RPS6KA2: variants seen among roughly 807,000 people sequenced by gnomAD.
The protein encoded by RPS6KA2 is ribosomal protein S6 kinase alpha-2.
In RPS6KA2, 42 loss-of-function variants were observed where a neutral mutation model predicts 91.8. That is an observed-to-expected ratio of 0.46 (90% confidence interval 0.36 to 0.59). RPS6KA2 has a LOEUF of 0.59. Among genes scored for constraint, RPS6KA2 ranks in the 20% least tolerant of loss-of-function variants. The pLI, the probability that RPS6KA2 is intolerant of heterozygous loss-of-function variation, is 0.00. For synonymous variants in RPS6KA2, 414 were observed against 393.6 expected (o/e 1.05, Z -0.61); for missense variants, 798 against 978.5 (o/e 0.82, Z 2.46).
chr6:166,804,755 T>C (rs1285964031), intron 2 of RPS6KA2, among the ~76,000 whole-genome samples: 1 of 152,094 alleles, frequency 6.6e-6, no homozygotes, highest in Admixed American at 6.6e-5. Flanking sequence ...CATCTCACTG[T>C]GGGGAAATTA....
intron 1 of RPS6KA2, among the ~76,000 whole-genome samples, chr6:166,582,787 A>G (rs192328724): frequency 1.2e-3 from 183 of 152,360 alleles, no homozygotes; most frequent in African/African-American, 3.2e-3. Flanking sequence ...AAGAATTGCT[A>G]TTATGCATCC....
At chr6:166,466,263 C>T (rs1780516783) in intron 11 of RPS6KA2, among the ~76,000 whole-genome samples, 1 of 152,170 alleles carries the variant, frequency 6.6e-6, no homozygotes, top group Admixed American at 6.5e-5. Flanking sequence ...CTCTTATTGC[C>T]ACAGGAAAAA....
chr6:166,476,317 G>T (rs1419516808), intron 10 of RPS6KA2, among the ~76,000 whole-genome samples: 1 of 152,154 alleles, frequency 6.6e-6, no homozygotes, highest in Admixed American at 6.5e-5. Flanking sequence ...AGCTGCGGGA[G>T]GACACATTTC....
intron 2 of RPS6KA2, among the ~76,000 whole-genome samples, chr6:166,687,001 C>T (rs375935895): frequency 1.3e-5 from 2 of 152,204 alleles, no homozygotes; most frequent in African/African-American, 4.8e-5. Context: ...TCTGTCTGCG[C>T]CCATTCTCCA....
chr6:166,520,406 G>A (rs956376107), intron 3 of RPS6KA2, among the ~76,000 whole-genome samples: 2 of 152,190 alleles, frequency 1.3e-5, no homozygotes, highest in African/African-American at 4.8e-5. Context: ...GATTTGAACT[G>A]AATGACACCC....
intron 5 of RPS6KA2, among the ~76,000 whole-genome samples, chr6:166,505,451 G>C (rs1005070453): frequency 6.6e-6 from 1 of 152,218 alleles, no homozygotes; most frequent in South Asian, 2.1e-4. Flanking sequence ...ACCCCCTTAA[G>C]AGGAAGCAAA....
At chr6:166,525,502 G>A (rs939674556) in intron 3 of RPS6KA2, among the ~76,000 whole-genome samples, 1 of 152,040 alleles carries the variant, frequency 6.6e-6, no homozygotes, top group Non-Finnish European at 1.5e-5. Flanking sequence ...GGTGCCCAAC[G>A]CTCCAAACTT....
chr6:166,713,115 C>T (rs1789914511), intron 2 of RPS6KA2, among the ~76,000 whole-genome samples: 1 of 152,182 alleles, frequency 6.6e-6, no homozygotes, highest in African/African-American at 2.4e-5. Context: ...CTTCCATGAC[C>T]TCCTCTGCCA....
chr6:166,731,169 G>T (rs891303470), intron 2 of RPS6KA2, among the ~76,000 whole-genome samples: 2 of 152,164 alleles, frequency 1.3e-5, no homozygotes, highest in African/African-American at 4.8e-5. Context: ...TTGAACCCGG[G>T]AGGTGGAGGT....
intron 1 of RPS6KA2, among the ~76,000 whole-genome samples, chr6:166,605,886 G>A (rs79217618): frequency 0.021 from 3,137 of 152,310 alleles, 117 homozygotes; most frequent in African/African-American, 0.072. Context: ...CTGCCCAGAG[G>A]CGCAGCAACC....
chr6:166,467,522 T>C (rs80103181), intron 11 of RPS6KA2, among the ~76,000 whole-genome samples: 4,263 of 152,202 alleles, frequency 0.028, 202 homozygotes, highest in African/African-American at 0.094. Context: ...TCTCATAAGA[T>C]GACACTGAAT....
intron 10 of RPS6KA2, among the ~76,000 whole-genome samples, chr6:166,472,917 G>C (rs1229186302): frequency 2.6e-5 from 4 of 152,158 alleles, no homozygotes; most frequent in African/African-American, 9.7e-5. Context: ...CTCCTGTCAG[G>C]CTTAGCAATT....
chr6:166,807,318 C>T (rs1289198993), intron 2 of RPS6KA2, among the ~76,000 whole-genome samples: 4 of 152,190 alleles, frequency 2.6e-5, no homozygotes, highest in Non-Finnish European at 4.4e-5. Context: ...CCTCTTCTTA[C>T]CTAGCCTTTG....
chr6:166,746,768 A>C (rs186298635), intron 2 of RPS6KA2, among the ~76,000 whole-genome samples: 1 of 152,068 alleles, frequency 6.6e-6, no homozygotes, highest in Non-Finnish European at 1.5e-5. Flanking sequence ...GTTCCTATTG[A>C]AGGGGTTCCT....
At chr6:166,701,115 TGGTCC>T in intron 2 of RPS6KA2, 1 of 1,611,462 alleles carries the variant, frequency 6.2e-7, no homozygotes, top group East Asian at 2.2e-5. Flanking sequence ...TTGACTGAGG[TGGTCC>T]ACTTTGCAGA....
rs113342889 is a variant in RPS6KA2, at chr6:166,741,558, C to T, written c.123+116642G>A. Among the ~76,000 whole-genome samples, 692 of 152,308 alleles carry T rather than the reference C, an allele frequency of 4.5e-3. 3 individuals carry two copies. Among genetic ancestry groups the T allele is most frequent in the African/African-American group, 0.015 (639 of 41,564 alleles). ...TTAACAGCCTCTAATTACAGACCAA[C>T]GGATTGAATTAGGATCATTAGAGCC... is the stretch of plus-strand genomic sequence containing the variant. On this transcript the variant is annotated intron_variant, in intron 2 of 21. Transcript: ENST00000503859.
At chr6:166,735,584 T>A (rs1790652596) in intron 2 of RPS6KA2, among the ~76,000 whole-genome samples, 1 of 152,144 alleles carries the variant, frequency 6.6e-6, no homozygotes, top group Non-Finnish European at 1.5e-5. Flanking sequence ...AACGGTCTCA[T>A]GTGGGGGTGA....
chr6:166,553,401 G>A (rs2128502000), intron 1 of RPS6KA2, among the ~76,000 whole-genome samples: 1 of 150,912 alleles, frequency 6.6e-6, no homozygotes, highest in Non-Finnish European at 1.5e-5. Context: ...TGGGGTTATA[G>A]GTGTGAGCCA....
In RPS6KA2 at chr6:166,770,128, G is replaced by A. The variant is rs945428554; in HGVS notation, c.123+88072C>T. 5.9e-5 allele frequency among the ~76,000 whole-genome samples: 9 copies of A among 152,294 alleles called. No homozygotes were observed. The highest frequency in any genetic ancestry group is 4.1e-4 in the South Asian group (2 of 4,822). ...AGCCTGCTGTGACCGCTGCAGAGGC[G>A]CGGCCCCAAGGATGATCAATCCCAT... is the stretch of plus-strand genomic sequence containing the variant. On this transcript the variant is annotated intron_variant, in intron 2 of 21. Transcript: ENST00000503859. The surrounding 1 kb of genome is among the most constrained non-coding windows in gnomAD (Gnocchi z 5.1).
Sources: gnomAD v4.1 joint callset for allele counts (sites outside exome capture counted in the v4.1 genomes callset) on GRCh38, gnomAD v4.1.1 for gene constraint, Gnocchi (gnomAD v3.1) non-coding constraint, MANE v1.5 for transcripts, NCBI Gene and HGNC (gene_info 2026-07-23, HGNC 2026-07-21) for gene names.